Variants in CCDC7 observed in about 807,000 individuals in gnomAD.
CCDC7 encodes the protein coiled-coil domain containing 7.
Under a neutral mutation model 196.9 loss-of-function variants are expected in CCDC7, and 183 were observed. That is an observed-to-expected ratio of 0.93 (90% CI 0.82 to 1.05). CCDC7 has a LOEUF of 1.05. Among genes scored for constraint, CCDC7 ranks in the 50% least tolerant of loss-of-function variants. The probability of loss-of-function intolerance (pLI) is 0.00; values close to 1 mark genes in which losing one functional copy is unlikely to be tolerated. For missense variants in CCDC7, 1,540 were observed against 1,482.2 expected, an observed-to-expected ratio of 1.04 and a Z score of -0.64; for synonymous variants, 525 against 484.6, an observed-to-expected ratio of 1.08 and a Z score of -1.10.
intron 9 of CCDC7, chr10:32,511,498 A>G: frequency 1.9e-6 from 3 of 1,604,742 alleles, no homozygotes; most frequent in Non-Finnish European, 2.6e-6. Context: ...GTTTTACTGG[A>G]TGTTCCTTAG....
At chr10:32,543,522 T>C (rs571630371) in intron 12 of CCDC7, 137 bp downstream of exon 13, 1 of 936,822 alleles carries the variant, frequency 1.1e-6, no homozygotes, top group South Asian at 3.1e-5. Context: ...TACATGTTTT[T>C]ATAAGCATAC....
At chr10:32,646,344 C>G (rs528701264) in intron 20 of CCDC7, among the ~76,000 whole-genome samples, 1 of 151,258 alleles carries the variant, frequency 6.6e-6, no homozygotes. Context: ...TTCCAAAGTT[C>G]CTTCTGTTAT....
intron 20 of CCDC7, among the ~76,000 whole-genome samples, chr10:32,655,977 C>T (rs894665008): frequency 6.6e-6 from 1 of 152,126 alleles, no homozygotes; most frequent in Non-Finnish European, 1.5e-5. Context: ...CTATAGTTTG[C>T]AAACATCTTC....
At chr10:32,502,743 G>C (rs1414334279) in intron 9 of CCDC7, among the ~76,000 whole-genome samples, 1 of 151,986 alleles carries the variant, frequency 6.6e-6, no homozygotes, top group Non-Finnish European at 1.5e-5. Flanking sequence ...AAGTTATTTT[G>C]GGTAGCATGA....
chr10:32,482,596 C>T (rs1386559679), intron 8 of CCDC7, among the ~76,000 whole-genome samples: 1 of 152,110 alleles, frequency 6.6e-6, no homozygotes, highest in Non-Finnish European at 1.5e-5. Context: ...GTGCTGCACC[C>T]AGTGACTCGT....
chr10:32,674,457 A>G (rs930997280), intron 21 of CCDC7, among the ~76,000 whole-genome samples: 9 of 151,984 alleles, frequency 5.9e-5, no homozygotes, highest in African/African-American at 2.2e-4. Context: ...ATAATCTTGT[A>G]ATGGTTTTAA....
chr10:32,595,970 G>A (rs2060298796), intron 18 of CCDC7, among the ~76,000 whole-genome samples: 1 of 152,186 alleles, frequency 6.6e-6, no homozygotes, highest in African/African-American at 2.4e-5. Flanking sequence ...CAACTATGTG[G>A]TCAATTTTGG....
intron 40 of CCDC7, among the ~76,000 whole-genome samples, chr10:32,853,843 A>T (rs1251933934): frequency 6.6e-6 from 1 of 152,084 alleles, no homozygotes. Flanking sequence ...ATTCTCTGAC[A>T]TTTTTATCTA....
chr10:32,695,650 T>C (rs1378030416), intron 24 of CCDC7, among the ~76,000 whole-genome samples: 1 of 152,122 alleles, frequency 6.6e-6, no homozygotes, highest in Admixed American at 6.5e-5. Flanking sequence ...AAAATGAATA[T>C]AGTGGAAGGC....
At chr10:32,857,084 A>G (rs2093782356) in intron 41 of CCDC7, among the ~76,000 whole-genome samples, 1 of 152,032 alleles carries the variant, frequency 6.6e-6, no homozygotes, top group African/African-American at 2.4e-5. Context: ...CCTCAGGTAA[A>G]TCTACTACTA....
chr10:32,529,948 T>C (rs1180549143), intron 11 of CCDC7, among the ~76,000 whole-genome samples: 1 of 152,178 alleles, frequency 6.6e-6, no homozygotes, highest in Non-Finnish European at 1.5e-5. Context: ...GATTTTTGTA[T>C]AAGGTGAAAG....
In CCDC7 at chr10:32,611,944, A is replaced by G. The variant is rs2062194336; in HGVS notation, c.1802-22310A>G. The stretch of plus-strand genomic sequence containing the variant: ...CATGAAATTTGAAGTAGTTTTTTCT[A>G]ATTCTCTGAAGAAAGTCAATGGTAT... On this transcript the variant is annotated intron_variant, in intron 18 of 41. Coordinates refer to ENST00000639629, the Ensembl canonical transcript of CCDC7. Among the ~76,000 whole-genome samples the G allele has an allele frequency of 1.3e-5, 2 of 152,140 alleles. 1 individual carries two copies. The highest frequency in any genetic ancestry group is 4.1e-4 in the South Asian group (2 of 4,822).
chr10:32,790,621 GA>G (rs1039884169), intron 29 of CCDC7, among the ~76,000 whole-genome samples: 1 of 152,140 alleles, frequency 6.6e-6, no homozygotes, highest in African/African-American at 2.4e-5. Flanking sequence ...GTTGGCTCTA[GA>G]ACTCAAATTG....
chr10:32,519,087 G>A (rs1250261357), intron 11 of CCDC7, among the ~76,000 whole-genome samples: 1 of 152,044 alleles, frequency 6.6e-6, no homozygotes, highest in Non-Finnish European at 1.5e-5. Context: ...TCCTTACTAG[G>A]TGAGGAAGCA....
chr10:32,665,807 A>G (rs944810927), intron 21 of CCDC7, among the ~76,000 whole-genome samples: 2 of 152,034 alleles, frequency 1.3e-5, no homozygotes, highest in Admixed American at 6.6e-5. Context: ...CATTTTAACA[A>G]TATTAATTCT....
chr10:32,479,156 T>C (rs2039529303), intron 8 of CCDC7, among the ~76,000 whole-genome samples: 1 of 152,158 alleles, frequency 6.6e-6, no homozygotes, highest in Admixed American at 6.5e-5. Context: ...CCTCTTTCTT[T>C]TTTTGCAAAT....
chr10:32,668,780 T>G (rs905969980), intron 21 of CCDC7, among the ~76,000 whole-genome samples: 1 of 152,152 alleles, frequency 6.6e-6, no homozygotes, highest in African/African-American at 2.4e-5. Flanking sequence ...TGACAGTATT[T>G]TATTGAGAAT....
chr10:32,837,184 G>T (rs1402403365), intron 33 of CCDC7, among the ~76,000 whole-genome samples: 1 of 152,076 alleles, frequency 6.6e-6, no homozygotes. Flanking sequence ...ATCTGACGAA[G>T]GGCTAATGTC....
intron 28 of CCDC7, among the ~76,000 whole-genome samples, chr10:32,734,072 T>C (rs1010616512): frequency 6.6e-6 from 1 of 152,160 alleles, no homozygotes; most frequent in African/African-American, 2.4e-5. Flanking sequence ...GCAATCCTAT[T>C]ACTGGGTATA....
Sources: allele counts gnomAD v4.1 joint callset (sites outside exome capture counted in the v4.1 genomes callset), GRCh38; gene constraint gnomAD v4.1.1; transcripts MANE v1.5; gene names NCBI Gene and HGNC (gene_info 2026-07-23, HGNC 2026-07-21).